Variants in AP3B1 observed in about 807,000 individuals in gnomAD.
AP3B1 encodes AP-3 complex subunit beta-1.
In AP3B1, 61 loss-of-function variants were observed where a neutral mutation model predicts 132.5. The observed-to-expected ratio is 0.46, with a 90% CI of 0.37 to 0.57. The LOEUF is 0.57. Ranked by LOEUF, AP3B1 falls within the 20% of genes least tolerant of loss-of-function variation. AP3B1 has a pLI of 0.00. For synonymous variants in AP3B1, 388 were observed against 438.3 expected, an observed-to-expected ratio of 0.89 and a Z score of 1.43; for missense variants, 1,120 against 1,289.4, an observed-to-expected ratio of 0.87 and a Z score of 2.01.
intron 8 of AP3B1, among the ~76,000 whole-genome samples, chr5:78,181,098 T>A (rs1199618950): frequency 6.6e-6 from 1 of 151,912 alleles, no homozygotes; most frequent in African/African-American, 2.4e-5. Flanking sequence ...GTACCCCCAA[T>A]CACAATGGAA....
chr5:78,263,082 T>C (rs1179608457), intron 2 of AP3B1, among the ~76,000 whole-genome samples: 1 of 152,188 alleles, frequency 6.6e-6, no homozygotes. Flanking sequence ...GGCATTTTGA[T>C]AGGAATTGCA....
intron 25 of AP3B1, 135 bp downstream of exon 25, chr5:78,020,557 A>T (rs1288396783): frequency 7.1e-6 from 5 of 706,066 alleles, no homozygotes; most frequent in Admixed American, 6.7e-5. Flanking sequence ...GCAAAGCATT[A>T]ACAAAAATTG....
chr5:78,116,687 T>A (rs888892342), intron 17 of AP3B1, among the ~76,000 whole-genome samples: 1 of 151,938 alleles, frequency 6.6e-6, no homozygotes, highest in African/African-American at 2.4e-5. Flanking sequence ...ACAGCCTAAA[T>A]CCTGGAGTAA....
chr5:78,026,092 AC>A (rs1255285619), intron 24 of AP3B1, among the ~76,000 whole-genome samples: 1 of 151,836 alleles, frequency 6.6e-6, no homozygotes, highest in African/African-American at 2.4e-5. Flanking sequence ...TTTCTTCACA[AC>A]CCCTTTGATT....
At chr5:78,169,992 T>G (rs1309199786) in intron 11 of AP3B1, among the ~76,000 whole-genome samples, 2 of 152,130 alleles carry the variant, frequency 1.3e-5, no homozygotes, top group African/African-American at 4.8e-5. Flanking sequence ...CACCTATGAG[T>G]GAAAACATGC....
At chr5:78,121,891 C>A (rs1752220889) in intron 17 of AP3B1, 1 of 151,998 alleles carries the variant, frequency 6.6e-6, no homozygotes, top group Non-Finnish European at 1.5e-5. Context: ...AGACACAAAC[C>A]AAAAAAGAGA....
At chr5:78,221,820 T>G (rs1030176528) in intron 6 of AP3B1, among the ~76,000 whole-genome samples, 16 of 152,168 alleles carry the variant, frequency 1.1e-4, no homozygotes, top group Admixed American at 1.0e-3. Context: ...TGAATCTACA[T>G]TTTGAAAGGA....
chr5:78,242,638 C>A (rs2112521608), intron 2 of AP3B1, among the ~76,000 whole-genome samples: 1 of 152,194 alleles, frequency 6.6e-6, no homozygotes, highest in East Asian at 1.9e-4. Flanking sequence ...AACTCCTGAC[C>A]TCAAGTGATC....
intron 22 of AP3B1, among the ~76,000 whole-genome samples, chr5:78,057,738 T>C (rs1748877840): frequency 6.6e-6 from 1 of 152,218 alleles, no homozygotes; most frequent in Admixed American, 6.5e-5. Context: ...AAATCATATT[T>C]AGTTAAATAT....
At chr5:78,183,187 T>C (rs892736411) in intron 7 of AP3B1, among the ~76,000 whole-genome samples, 1 of 152,224 alleles carries the variant, frequency 6.6e-6, no homozygotes, top group South Asian at 2.1e-4. Context: ...TAACAATGAG[T>C]AAAATCCCTC....
At chr5:78,115,187 A>G (rs1230746946) in intron 18 of AP3B1, among the ~76,000 whole-genome samples, 1 of 152,262 alleles carries the variant, frequency 6.6e-6, no homozygotes, top group Non-Finnish European at 1.5e-5. Flanking sequence ...GGCTTATGCT[A>G]TAAACAATGA....
At chr5:78,253,903 C>T (rs574783409) in intron 2 of AP3B1, among the ~76,000 whole-genome samples, 8 of 149,144 alleles carry the variant, frequency 5.4e-5, no homozygotes, top group African/African-American at 2.0e-4. Context: ...GGAGGCGGAG[C>T]TTGCAGATCA....
intron 17 of AP3B1, among the ~76,000 whole-genome samples, chr5:78,122,981 A>T (rs1267730340): frequency 6.6e-6 from 1 of 152,216 alleles, no homozygotes; most frequent in African/African-American, 2.4e-5. Flanking sequence ...ACAGCATGGT[A>T]CTGGTACCAA....
intron 25 of AP3B1, 43 bp downstream of exon 25, chr5:78,020,649 T>C (rs1747051434): frequency 7.0e-7 from 1 of 1,421,836 alleles, no homozygotes; most frequent in Non-Finnish European, 9.9e-7. Flanking sequence ...AAGCACATAT[T>C]ATTTGGTATG....
At chr5:78,273,012 C>CATACATATACACACATATATGTATGCAT (rs70997977) in intron 1 of AP3B1, among the ~76,000 whole-genome samples, 34,143 of 149,682 alleles carry the variant, frequency 0.23, 4,754 homozygotes, top group Non-Finnish European at 0.31. Context: ...AGCTGAAATA[C>CATACATATACACACATATATGTATGCAT]ATACATATAC....
At chr5:78,263,987 T>G (rs1748212565) in intron 2 of AP3B1, among the ~76,000 whole-genome samples, 1 of 152,168 alleles carries the variant, frequency 6.6e-6, no homozygotes, top group African/African-American at 2.4e-5. Context: ...TACAGTAACA[T>G]GCTGTACAGA....
At chr5:78,073,477 A>G (rs1266541846) in intron 22 of AP3B1, among the ~76,000 whole-genome samples, 1 of 152,188 alleles carries the variant, frequency 6.6e-6, no homozygotes, top group Non-Finnish European at 1.5e-5. Flanking sequence ...AGTAGCAACA[A>G]AATTTGAAAT....
At chr5:78,130,444 C>T (rs1192724383) in intron 15 of AP3B1, among the ~76,000 whole-genome samples, 1 of 151,910 alleles carries the variant, frequency 6.6e-6, no homozygotes, top group African/African-American at 2.4e-5. Flanking sequence ...TAGAAAGCAA[C>T]CTTATTTCAG....
chr5:78,035,395 C>A (rs1398393229), intron 23 of AP3B1, among the ~76,000 whole-genome samples: 1 of 151,986 alleles, frequency 6.6e-6, no homozygotes, highest in Non-Finnish European at 1.5e-5. Flanking sequence ...CTCTATACAT[C>A]CTATCACACG....
Sources: gnomAD v4.1 joint callset for allele counts (sites outside exome capture counted in the v4.1 genomes callset) on GRCh38, gnomAD v4.1.1 for gene constraint, MANE v1.5 for transcripts, NCBI Gene and HGNC (gene_info 2026-07-23, HGNC 2026-07-21) for gene names.